The following UBR2 variants were observed in gnomAD, a reference collection of about 807,000 sequenced individuals.
UBR2 encodes the protein E3 ubiquitin-protein ligase UBR2.
UBR2 carries 92 observed loss-of-function variants against 247.9 expected under a neutral mutation model. The observed-to-expected ratio is 0.37, with a 90% CI of 0.31 to 0.44. The LOEUF (loss-of-function observed/expected upper bound fraction) is 0.44. UBR2 is among the 20% of genes least tolerant of loss of function. The pLI, the probability that UBR2 is intolerant of heterozygous loss-of-function variation, is 1.00. For synonymous variants in UBR2, 672 were observed against 693.5 expected, an observed-to-expected ratio of 0.97 and a Z score of 0.49; for missense variants, 1,613 against 2,112.6, an observed-to-expected ratio of 0.76 and a Z score of 4.64.
At chr6:42,616,860 A>G (rs945266105) in intron 10 of UBR2, among the ~76,000 whole-genome samples, 5 of 152,208 alleles carry the variant, frequency 3.3e-5, no homozygotes, top group African/African-American at 1.2e-4. Flanking sequence ...CCAAGCATGT[A>G]TGCTTTGGAA....
At chr6:42,580,043 G>GTTTTTTT (rs11377376) in intron 2 of UBR2, among the ~76,000 whole-genome samples, 1 of 151,012 alleles carries the variant, frequency 6.6e-6, no homozygotes, top group Non-Finnish European at 1.5e-5. Flanking sequence ...AGATTTCTAG[G>GTTTTTTT]TTTTTTTTTC....
At chr6:42,683,802 T>C (rs978780256) in intron 43 of UBR2, among the ~76,000 whole-genome samples, 1 of 152,160 alleles carries the variant, frequency 6.6e-6, no homozygotes, top group Admixed American at 6.5e-5. Context: ...TCTGGTAGAG[T>C]ATGCTTTACT....
intron 2 of UBR2, among the ~76,000 whole-genome samples, chr6:42,586,940 C>T (rs941425672): frequency 6.6e-6 from 1 of 151,530 alleles, no homozygotes; most frequent in Non-Finnish European, 1.5e-5. Context: ...CCTGCCTCAG[C>T]CTCCCGAGTA....
chr6:42,690,358 G>C (rs1799685075), intron 46 of UBR2, among the ~76,000 whole-genome samples: 1 of 152,226 alleles, frequency 6.6e-6, no homozygotes, highest in Non-Finnish European at 1.5e-5. Flanking sequence ...ACCCAGTGCT[G>C]GTGCTTCCCA....
intron 41 of UBR2, 77 bp from the exon 42 acceptor site, chr6:42,679,647 C>A: frequency 9.5e-7 from 1 of 1,049,670 alleles, no homozygotes; most frequent in Non-Finnish European, 1.4e-6. Flanking sequence ...TTTTTTTAAA[C>A]TCTGCTATTG....
intron 43 of UBR2, among the ~76,000 whole-genome samples, chr6:42,683,719 A>G (rs1028338204): frequency 3.3e-5 from 5 of 152,220 alleles, no homozygotes; most frequent in Admixed American, 1.3e-4. Flanking sequence ...CAAATTATGG[A>G]GCATTTCAGA....
intron 44 of UBR2, among the ~76,000 whole-genome samples, chr6:42,687,580 G>A (rs1667532976): frequency 6.6e-6 from 1 of 151,654 alleles, no homozygotes; most frequent in African/African-American, 2.4e-5. Flanking sequence ...TCACTCTGTT[G>A]CCCAGGCTGG....
At chr6:42,679,204 T>C (rs1798892096) in intron 41 of UBR2, among the ~76,000 whole-genome samples, 1 of 152,252 alleles carries the variant, frequency 6.6e-6, no homozygotes, top group Non-Finnish European at 1.5e-5. Flanking sequence ...TGCCTGGCAC[T>C]GGCCGTAGAG....
intron 20 of UBR2, 107 bp downstream of exon 20, chr6:42,644,643 G>A: frequency 2.3e-6 from 2 of 851,970 alleles, no homozygotes; most frequent in Middle Eastern, 3.6e-4. Flanking sequence ...AGGATGCTCA[G>A]TCTTAGGGGA....
chr6:42,582,740 CATTTAA>C (rs1167499540), intron 2 of UBR2, among the ~76,000 whole-genome samples: 2 of 152,012 alleles, frequency 1.3e-5, no homozygotes, highest in Non-Finnish European at 2.9e-5. Context: ...ATAATAACCT[CATTTAA>C]ATTTAAGTTT....
intron 11 of UBR2, among the ~76,000 whole-genome samples, chr6:42,625,150 A>G (rs1188795404): frequency 6.6e-6 from 1 of 152,156 alleles, no homozygotes; most frequent in Non-Finnish European, 1.5e-5. Context: ...AAATATTTGG[A>G]AGAATTCTCC....
chr6:42,659,680 T>G lies in UBR2; in HGVS notation c.3267T>G (p.Leu1089=), dbSNP rs763044168. ...DHSPVASDMT[L]TALGPAQTQV... ...GCCCTGTGGCTTCAGATATGACACTTACAGCACTGGGCCCCGCACAAACTC... is the reference window on the plus strand; with the variant it reads ...GCCCTGTGGCTTCAGATATGACACTGACAGCACTGGGCCCCGCACAAACTC... Residue 1089 remains leucine (L), a synonymous_variant, in exon 30 of 47, where the codon CTT becomes CTG. Transcript: ENST00000372901. This position sits in a 1 kb window ranked among gnomAD's most constrained non-coding sequence, Gnocchi z 4.3. 1 of 1,613,926 alleles carries G rather than the reference T, an allele frequency of 6.2e-7. No homozygotes were observed. Among genetic ancestry groups the G allele is most frequent in the Non-Finnish European group, 8.5e-7 (1 of 1,179,910 alleles).
At chr6:42,570,948 G>A (rs1355494467) in intron 1 of UBR2, among the ~76,000 whole-genome samples, 5 of 150,422 alleles carry the variant, frequency 3.3e-5, no homozygotes, top group Non-Finnish European at 7.4e-5. Context: ...GGCCTCCCAA[G>A]TGCTGGGATT....
chr6:42,611,796 C>T (rs1451942690), intron 7 of UBR2, among the ~76,000 whole-genome samples: 1 of 151,672 alleles, frequency 6.6e-6, no homozygotes, highest in Non-Finnish European at 1.5e-5. Context: ...GTCCCAGCTC[C>T]TTGGGAGGCT....
chr6:42,691,195 C>T lies in UBR2; in HGVS notation c.*22C>T, dbSNP rs750334353. On this transcript the variant is annotated 3_prime_UTR_variant, in exon 47 of 47. Transcript: ENST00000372901. ...ATAATTATTGCACCACCAAAAAACA[C>T]AAACTTGGATTTTTTTAACCCAGTT... 22 of 1,606,940 alleles carry T rather than the reference C, an allele frequency of 1.4e-5. No individual in the cohort carries two copies. In the Admixed American group the frequency reaches 3.1e-4, roughly 23 times the overall value.
chr6:42,636,542 G>A (rs908691910), intron 14 of UBR2, among the ~76,000 whole-genome samples: 4 of 152,022 alleles, frequency 2.6e-5, no homozygotes, highest in African/African-American at 4.8e-5. Flanking sequence ...TAAATTCCCT[G>A]CTTCAACTCT....
chr6:42,619,316 A>G (rs796375166), intron 11 of UBR2, among the ~76,000 whole-genome samples: 1 of 149,424 alleles, frequency 6.7e-6, no homozygotes, highest in African/African-American at 2.5e-5. Flanking sequence ...CATCTTTGCA[A>G]TATTGAATAT....
chr6:42,619,447 A>ATT (rs1262227969), intron 11 of UBR2: 4 of 29,646 alleles, frequency 1.3e-4, no homozygotes, highest in South Asian at 2.7e-3. Context: ...ATATATATAT[A>ATT]TATATATTTT....
chr6:42,676,277 G>T (rs977666167), intron 39 of UBR2, 86 bp downstream of exon 39: 2 of 1,406,510 alleles, frequency 1.4e-6, no homozygotes, highest in African/African-American at 2.9e-5. Flanking sequence ...AAAGGTATTT[G>T]GATGAGAATA....
Sources: allele counts gnomAD v4.1 joint callset (sites outside exome capture counted in the v4.1 genomes callset), GRCh38; gene constraint gnomAD v4.1.1; non-coding constraint Gnocchi (gnomAD v3.1); transcripts MANE v1.5; gene names NCBI Gene and HGNC (gene_info 2026-07-23, HGNC 2026-07-21).